The following TMEM132C variants were observed in gnomAD, a reference collection of about 807,000 sequenced individuals.
The protein encoded by TMEM132C is transmembrane protein 132C, also known as protein phosphatase 1, regulatory subunit 152.
Under a neutral mutation model 61.4 loss-of-function variants are expected in TMEM132C, and 29 were observed. That is an observed-to-expected ratio of 0.47 (90% CI 0.35 to 0.64). The LOEUF (loss-of-function observed/expected upper bound fraction) is 0.64. Among genes scored for constraint, TMEM132C ranks in the 30% least tolerant of loss-of-function variants. The pLI is 0.00. For synonymous variants in TMEM132C, 656 were observed against 633.1 expected (o/e 1.04, Z -0.54); for missense variants, 1,408 against 1,476.9 (o/e 0.95, Z 0.76).
intron 1 of TMEM132C, among the ~76,000 whole-genome samples, chr12:128,314,947 G>A (rs1172365893): frequency 1.3e-5 from 2 of 152,208 alleles, no homozygotes; most frequent in Non-Finnish European, 2.9e-5. Flanking sequence ...TGTCCAGCCT[G>A]TAAAATGGGA....
intron 3 of TMEM132C, among the ~76,000 whole-genome samples, chr12:128,583,538 C>T (rs2135561032): frequency 6.6e-6 from 1 of 152,202 alleles, no homozygotes; most frequent in East Asian, 1.9e-4. Context: ...TTGGACCTCA[C>T]TGGTCCTACC....
At chr12:128,518,341 C>T (rs143741896) in intron 2 of TMEM132C, among the ~76,000 whole-genome samples, 26 of 152,248 alleles carry the variant, frequency 1.7e-4, no homozygotes, top group East Asian at 1.4e-3. Context: ...ACAATAGCTT[C>T]GGAAGGGAGG....
At chr12:128,499,186 A>T (rs1461930020) in intron 2 of TMEM132C, among the ~76,000 whole-genome samples, 2 of 152,212 alleles carry the variant, frequency 1.3e-5, no homozygotes, top group Non-Finnish European at 2.9e-5. Context: ...AGACACATGG[A>T]TAAATGGAAT....
chr12:128,637,521 T>C (rs1176836282), intron 4 of TMEM132C, among the ~76,000 whole-genome samples: 1 of 152,244 alleles, frequency 6.6e-6, no homozygotes, highest in African/African-American at 2.4e-5. Flanking sequence ...AGCCTCTGTA[T>C]TTACCACAAT....
chr12:128,359,279 T>TCATGGTGGAAGAGCAAGGGACGTCTTA (rs886161480), intron 1 of TMEM132C, among the ~76,000 whole-genome samples: 7 of 152,186 alleles, frequency 4.6e-5, no homozygotes, highest in Non-Finnish European at 8.8e-5. Context: ...GGCCTCACAA[T>TCATGGTGGAAGAGCAAGGGACGTCTTA]CATGGTGGAA....
chr12:128,409,175 A>G (rs1470721724), intron 1 of TMEM132C, among the ~76,000 whole-genome samples: 1 of 152,196 alleles, frequency 6.6e-6, no homozygotes, highest in East Asian at 1.9e-4. Context: ...CCGTGCCCTC[A>G]TGTAGCATAA....
intron 2 of TMEM132C, among the ~76,000 whole-genome samples, chr12:128,502,115 G>A (rs1872200621): frequency 6.6e-6 from 1 of 152,256 alleles, no homozygotes; most frequent in Non-Finnish European, 1.5e-5. Flanking sequence ...TGGTTGCAAT[G>A]TGCAGCCAGG....
intron 1 of TMEM132C, among the ~76,000 whole-genome samples, chr12:128,323,785 C>T (rs546627482): frequency 5.3e-5 from 8 of 152,298 alleles, no homozygotes; most frequent in African/African-American, 1.2e-4. Context: ...TGCTCAGCTG[C>T]GCTCAGGCTG....
At chr12:128,477,291 C>G (rs935576161) in intron 2 of TMEM132C, among the ~76,000 whole-genome samples, 8 of 152,262 alleles carry the variant, frequency 5.3e-5, no homozygotes, top group South Asian at 2.1e-4. Context: ...CCTGGGCCAC[C>G]AAGCTAGCCT....
intron 1 of TMEM132C, among the ~76,000 whole-genome samples, chr12:128,321,134 T>TAAA (rs1872315840): frequency 1.0e-5 from 1 of 96,370 alleles, no homozygotes; most frequent in Admixed American, 1.2e-4. Context: ...CTGCCATTTT[T>TAAA]GAAAAATAAT....
intron 2 of TMEM132C, among the ~76,000 whole-genome samples, chr12:128,534,384 G>T (rs1873444152): frequency 6.6e-6 from 1 of 152,204 alleles, no homozygotes. Flanking sequence ...ACAGTACTGG[G>T]AACAGTTGGT....
At chr12:128,621,650 G>T (rs1390055636) in intron 4 of TMEM132C, among the ~76,000 whole-genome samples, 1 of 152,136 alleles carries the variant, frequency 6.6e-6, no homozygotes, top group Non-Finnish European at 1.5e-5. Flanking sequence ...TACTGTTTCG[G>T]GAGCCCTGGG....
At chr12:128,319,240 A>G (rs1314425986) in intron 1 of TMEM132C, among the ~76,000 whole-genome samples, 2 of 152,206 alleles carry the variant, frequency 1.3e-5, no homozygotes, top group African/African-American at 4.8e-5. Flanking sequence ...AAGATCAGTA[A>G]TATCACACTT....
chr12:128,701,588 T>C (rs1954804019), intron 8 of TMEM132C, among the ~76,000 whole-genome samples: 1 of 152,258 alleles, frequency 6.6e-6, no homozygotes, highest in African/African-American at 2.4e-5. Context: ...CTGTGAACAC[T>C]GGCTGCTCCC....
intron 1 of TMEM132C, among the ~76,000 whole-genome samples, chr12:128,311,008 T>G (rs1167317314): frequency 4.6e-5 from 7 of 152,234 alleles, no homozygotes; most frequent in Admixed American, 4.6e-4. Flanking sequence ...TATGTATATC[T>G]ATCATCTATC....
chr12:128,508,132 TCA>T (rs1173005087), intron 2 of TMEM132C, among the ~76,000 whole-genome samples: 2 of 152,182 alleles, frequency 1.3e-5, no homozygotes. Context: ...TTTAATGGAC[TCA>T]CAGTTCCACA....
At position 128,267,506 on chromosome 12, in the gene TMEM132C, C is replaced by T; in HGVS notation, c.85+19C>T. On this transcript the variant is annotated intron_variant, in intron 1 of 8. Transcript: ENST00000435159. ...GGCAAAGGTAAGGCCGGGGCGGGTG[C>T]CTGGCGCGCCGACGCATGCGAACTT... The T allele has an allele frequency of 8.1e-7, 1 of 1,235,414 alleles. No individual in the cohort carries two copies. Among genetic ancestry groups the T allele is most frequent in the Non-Finnish European group, 1.0e-6 (1 of 988,548 alleles). The allele number at this position is 1,235,414 out of a possible 1,614,324, so 76.5% of individuals were successfully genotyped here. A position where few individuals can be genotyped will look rare whatever the true frequency, so the allele number is the denominator to read the frequency against.
chr12:128,645,566 A>C (rs1201278000), intron 4 of TMEM132C, among the ~76,000 whole-genome samples: 2 of 152,230 alleles, frequency 1.3e-5, no homozygotes, highest in Non-Finnish European at 2.9e-5. Flanking sequence ...GGGCACCAAG[A>C]AAACCAGCCT....
intron 1 of TMEM132C, among the ~76,000 whole-genome samples, chr12:128,272,823 CT>C (rs755344471): frequency 6.6e-6 from 1 of 152,066 alleles, no homozygotes; most frequent in Non-Finnish European, 1.5e-5. Context: ...GGTGAAATAT[CT>C]TTTTCAAATA....
Sources: allele counts gnomAD v4.1 joint callset (sites outside exome capture counted in the v4.1 genomes callset), GRCh38; gene constraint gnomAD v4.1.1; transcripts MANE v1.5; gene names NCBI Gene and HGNC (gene_info 2026-07-23, HGNC 2026-07-21).